ZNF708: variants seen among roughly 807,000 people sequenced by gnomAD.
ZNF708 encodes ZNF15, ZNF15L1.
Under a neutral mutation model 47.0 loss-of-function variants are expected in ZNF708, and 44 were observed. That is an observed-to-expected ratio of 0.94 (90% CI 0.74 to 1.20). The LOEUF is 1.20. Ranked by LOEUF, ZNF708 falls within the 50% of genes most tolerant of loss-of-function variation. The pLI is 0.00. For synonymous variants in ZNF708, 184 were observed against 218.5 expected (o/e 0.84, Z 1.39); for missense variants, 557 against 656.0 (o/e 0.85, Z 1.65).
intron 1 of ZNF708, among the ~76,000 whole-genome samples, chr19:21,315,662 C>T (rs957509716): frequency 7.9e-5 from 12 of 152,056 alleles, no homozygotes; most frequent in Admixed American, 2.0e-4. Flanking sequence ...AAAAGAGAGG[C>T]GCATAGAGTG....
intron 3 of ZNF708, among the ~76,000 whole-genome samples, chr19:21,297,254 ATATATATATATATATATTTTTTTTT>A (rs1972545985): frequency 7.5e-5 from 1 of 13,264 alleles, no homozygotes; most frequent in Non-Finnish European, 1.8e-4. Flanking sequence ...GTATATATAT[ATATATATATATATATATTTTTTTTT>A]TTTTTTTTTT....
chr19:21,324,083 C>CA (rs61446529), intron 1 of ZNF708, among the ~76,000 whole-genome samples: 117,449 of 146,800 alleles, frequency 0.8, 47,214 homozygotes, highest in Middle Eastern at 0.92. Flanking sequence ...ACTAAAAATA[C>CA]AAAAAAAAAA....
In ZNF708 at chr19:21,292,126, G is replaced by A. The variant is rs1036526141; in HGVS notation, c.*1148C>T. ...GGCTCACTACAACCTCTGCCTCCTG[G>A]GTTCAACGGATTTTCCTGCCTCAGC... On this transcript the variant is annotated 3_prime_UTR_variant, in exon 4 of 4. Transcript: ENST00000356929. 2 of 151,932 alleles carry A rather than the reference G, an allele frequency of 1.3e-5. No individual in the cohort carries two copies. The highest frequency in any genetic ancestry group is 6.6e-5 in the Admixed American group (1 of 15,264). The allele number at this position is 151,932 out of a possible 1,614,324, so 9.4% of individuals were successfully genotyped here. A position where few individuals can be genotyped will look rare whatever the true frequency, so the allele number is the denominator to read the frequency against.
At chr19:21,309,167 G>T in intron 3 of ZNF708, 79 bp downstream of exon 3, 1 of 1,332,274 alleles carries the variant, frequency 7.5e-7, no homozygotes, top group Non-Finnish European at 1.0e-6. Context: ...AGATTTCCAA[G>T]TCAAATTTTA....
chr19:21,292,768 T>TC lies in ZNF708; in HGVS notation c.*505dup, dbSNP rs1252475927. 6.4e-6 allele frequency: 1 copy of TC among 157,370 alleles called. No homozygotes were observed. The highest frequency in any genetic ancestry group is 1.4e-5 in the Non-Finnish European group (1 of 71,108). 9.7% of individuals were successfully genotyped at this position (157,370 alleles called of 1,614,324 possible). ...ATGTGAGCAGACATTAATGGCTTTT[T>TC]CACAGTCTTTATATTGGTACAATTT... is the stretch of plus-strand genomic sequence containing the variant. On this transcript the variant is annotated 3_prime_UTR_variant, in exon 4 of 4. Coordinates refer to ENST00000356929, the MANE Select transcript of ZNF708 (RefSeq NM_021269.3).
chr19:21,304,942 A>G (rs539056907), intron 3 of ZNF708, among the ~76,000 whole-genome samples: 1 of 152,346 alleles, frequency 6.6e-6, no homozygotes, highest in East Asian at 1.9e-4. Flanking sequence ...ACTGAAAGAA[A>G]CTAGGCATTA....
intron 1 of ZNF708, among the ~76,000 whole-genome samples, 184 bp downstream of exon 1, chr19:21,329,026 G>A (rs1191073942): frequency 6.6e-6 from 1 of 152,216 alleles, no homozygotes; most frequent in Non-Finnish European, 1.5e-5. Flanking sequence ...GGACGCCCGG[G>A]GGCCCGGCTG....
At chr19:21,296,869 A>G (rs890194722) in intron 3 of ZNF708, among the ~76,000 whole-genome samples, 21 of 151,884 alleles carry the variant, frequency 1.4e-4, no homozygotes, top group Non-Finnish European at 2.6e-4. Flanking sequence ...ACAGTGGCTC[A>G]TGCCTGTAAT....
intron 3 of ZNF708, among the ~76,000 whole-genome samples, chr19:21,297,482 A>C (rs1972563816): frequency 6.6e-6 from 1 of 150,858 alleles, no homozygotes; most frequent in Non-Finnish European, 1.5e-5. Flanking sequence ...GTATAGATAC[A>C]TAAAAGAAAA....
chr19:21,311,667 C>A (rs1371525419), intron 1 of ZNF708, among the ~76,000 whole-genome samples: 1 of 152,034 alleles, frequency 6.6e-6, no homozygotes, highest in Non-Finnish European at 1.5e-5. Flanking sequence ...ACCACCACAT[C>A]CACAAGCAAA....
intron 1 of ZNF708, among the ~76,000 whole-genome samples, chr19:21,316,438 T>C (rs538031615): frequency 2.6e-5 from 4 of 152,258 alleles, no homozygotes; most frequent in Admixed American, 2.6e-4. Flanking sequence ...GTTTTCATTT[T>C]TTCCAAGCCT....
intron 1 of ZNF708, among the ~76,000 whole-genome samples, chr19:21,312,940 T>C (rs935721444): frequency 1.3e-5 from 2 of 152,166 alleles, no homozygotes; most frequent in African/African-American, 4.8e-5. Flanking sequence ...AAGTCTGCAT[T>C]TGGAAAACAA....
At position 21,294,494 on chromosome 19, in the gene ZNF708, G is replaced by A. The variant is rs369190737; in HGVS notation, c.472C>T (p.His158Tyr). ...TTTTTTCCAGTATGTCTTATCTTAT[G>A]TCTCTTTGCATTTGAATATTTATGA... ...VFHKYSNAKRHKIRHTGKNPF... is the reference protein window; with the variant it reads ...VFHKYSNAKRYKIRHTGKNPF... The change falls in exon 4 of 4, where the codon CAT (histidine) becomes TAT (tyrosine). Residue 158 changes from histidine (H) to tyrosine (Y), a missense_variant. Physicochemically the swap from His to Tyr is moderately conservative, Grantham distance 83 (BLOSUM62 2). Coordinates refer to ENST00000356929, the MANE Select transcript of ZNF708 (RefSeq NM_021269.3). The A allele has an allele frequency of 6.2e-7, 1 of 1,614,078 alleles. No individual in the cohort carries two copies. The highest frequency in any genetic ancestry group is 8.5e-7 in the Non-Finnish European group (1 of 1,179,988).
intron 3 of ZNF708, among the ~76,000 whole-genome samples, chr19:21,296,402 T>G (rs1443724899): frequency 6.6e-6 from 1 of 152,078 alleles, no homozygotes; most frequent in Non-Finnish European, 1.5e-5. Flanking sequence ...CTCAAGAGGC[T>G]GAGGCAGGAG....
chr19:21,293,003 T>G lies in ZNF708; in HGVS notation c.*271A>C, dbSNP rs115298258. ...TTTATGTTTAGAAAAGTTTGAGGTG[T>G]TGTCAGAATTACTGTGATGTCTTCC... On this transcript the variant is annotated 3_prime_UTR_variant, in exon 4 of 4. Transcript: ENST00000356929. 1,655 of 350,462 alleles carry G rather than the reference T, an allele frequency of 4.7e-3. 20 individuals carry two copies. The highest frequency in any genetic ancestry group is 0.024 in the South Asian group (493 of 20,836). 21.7% of individuals were successfully genotyped at this position (350,462 alleles called of 1,614,324 possible).
intron 1 of ZNF708, among the ~76,000 whole-genome samples, chr19:21,313,202 C>G (rs1287793338): frequency 6.7e-6 from 1 of 149,480 alleles, no homozygotes; most frequent in East Asian, 2.0e-4. Context: ...GTGGGAGAAT[C>G]GCTTGAACCC....
intron 1 of ZNF708, among the ~76,000 whole-genome samples, chr19:21,322,695 G>C (rs1335644679): frequency 1.3e-5 from 2 of 152,242 alleles, no homozygotes; most frequent in Non-Finnish European, 2.9e-5. Context: ...GTGTACAGGA[G>C]AGCAGAGCGT....
intron 3 of ZNF708, among the ~76,000 whole-genome samples, chr19:21,301,852 T>A (rs1030603561): frequency 2.6e-5 from 4 of 151,984 alleles, no homozygotes; most frequent in African/African-American, 9.6e-5. Flanking sequence ...TAAAAAAATA[T>A]TTCTAACCAA....
chr19:21,302,466 G>A (rs1972678832), intron 3 of ZNF708, among the ~76,000 whole-genome samples: 1 of 152,146 alleles, frequency 6.6e-6, no homozygotes, highest in Non-Finnish European at 1.5e-5. Flanking sequence ...GAGAGGCTGA[G>A]GCGGGTGTAT....
Sources: allele counts gnomAD v4.1 joint callset (sites outside exome capture counted in the v4.1 genomes callset), GRCh38; gene constraint gnomAD v4.1.1; transcripts MANE v1.5; gene names NCBI Gene and HGNC (gene_info 2026-07-23, HGNC 2026-07-21).